CD96: variants seen among roughly 807,000 people sequenced by gnomAD.
CD96 encodes the protein T-cell surface protein tactile.
A neutral mutation model predicts 71.3 loss-of-function variants in CD96; 70 were observed. The ratio of observed to expected loss-of-function variants is 0.98; its 90% CI spans 0.81 to 1.20. The LOEUF is 1.20. Among genes scored for constraint, CD96 ranks in the 50% most tolerant of loss-of-function variants. The pLI, the probability that CD96 is intolerant of heterozygous loss-of-function variation, is 0.00. For missense variants in CD96, 742 were observed against 677.5 expected (o/e 1.10, Z -1.06); for synonymous variants, 248 against 233.0 (o/e 1.06, Z -0.59).
intron 12 of CD96, among the ~76,000 whole-genome samples, chr3:111,640,050 G>T (rs149851911): frequency 1.4e-4 from 21 of 152,168 alleles, no homozygotes; most frequent in African/African-American, 4.8e-4. Context: ...AACCAACCCT[G>T]GTAATATGAC....
At chr3:111,599,003 C>G (rs1937377077) in intron 6 of CD96, among the ~76,000 whole-genome samples, 1 of 152,006 alleles carries the variant, frequency 6.6e-6, no homozygotes, top group Non-Finnish European at 1.5e-5. Context: ...GAGTCTGGCT[C>G]TGTTGCCCAA....
rs377540885 is a variant in CD96 at position 111,573,383 on chromosome 3, T to A, written c.544-5644T>A. ...TTCCTACCATGACATACACCTTTAATAAAAATGTTAAAAACGGCAGCATGG... is the reference window on the plus strand; with the variant it reads ...TTCCTACCATGACATACACCTTTAAAAAAAATGTTAAAAACGGCAGCATGG... On this transcript the variant is annotated intron_variant, in intron 3 of 13. Coordinates refer to ENST00000352690, the MANE Select transcript of CD96 (RefSeq NM_005816.5). 5.3e-5 allele frequency among the ~76,000 whole-genome samples: 8 copies of A among 152,242 alleles called. No individual in the cohort carries two copies. The South Asian group carries it at 1.7e-3, about 32-fold the overall frequency.
intron 4 of CD96, among the ~76,000 whole-genome samples, chr3:111,583,739 G>GA (rs1936576393): frequency 6.6e-6 from 1 of 152,200 alleles, no homozygotes; most frequent in African/African-American, 2.4e-5. Flanking sequence ...GCCATAGCTG[G>GA]AATGGCTGGG....
At chr3:111,543,447 C>T (rs935322189) in intron 1 of CD96, among the ~76,000 whole-genome samples, 5 of 152,120 alleles carry the variant, frequency 3.3e-5, no homozygotes, top group Admixed American at 6.5e-5. Context: ...AGTGGAACCT[C>T]TACCTAAGGT....
chr3:111,576,667 T>C (rs1243469479), intron 3 of CD96, among the ~76,000 whole-genome samples: 1 of 152,348 alleles, frequency 6.6e-6, no homozygotes, highest in East Asian at 1.9e-4. Flanking sequence ...CAATTTATTC[T>C]ACATAGTTGT....
intron 8 of CD96, 160 bp downstream of exon 8, chr3:111,606,952 C>A: frequency 1.5e-6 from 1 of 683,328 alleles, no homozygotes. Flanking sequence ...ATATAATTCA[C>A]GTCACATTAA....
In CD96 at chr3:111,635,198, C is replaced by T. The variant is rs534661156; in HGVS notation, c.1322-1998C>T. 4 of 153,006 alleles carry T rather than the reference C, an allele frequency of 2.6e-5. No individual in the cohort carries two copies. In the South Asian group the frequency reaches 8.3e-4, roughly 32 times the overall value. The allele number at this position is 153,006 out of a possible 1,614,324, so 9.5% of individuals were successfully genotyped here. On this transcript the variant is annotated intron_variant, in intron 10 of 13. Coordinates refer to ENST00000352690, the MANE Select transcript of CD96 (RefSeq NM_005816.5). ...AAAGGCTATTTTTTATAATATCTTT[C>T]TGGTCTTGAAAGTTTACCTTTATGT...
chr3:111,661,953 C>G (rs762659764), intron 14 of CD96, among the ~76,000 whole-genome samples: 2 of 152,238 alleles, frequency 1.3e-5, no homozygotes, highest in Non-Finnish European at 2.9e-5. Context: ...TTTGCCTTAC[C>G]CTAGTAGAGG....
Position 111,638,137 on chromosome 3 carries a change from ATC to A in CD96, c.1448_1449del (p.Ser483TyrfsTer4), listed in dbSNP as rs1185124618. 6.2e-7 allele frequency: 1 copy of A among 1,610,284 alleles called. No homozygotes were observed. Among genetic ancestry groups the A allele is most frequent in the Non-Finnish European group, 8.5e-7 (1 of 1,176,656 alleles). On this transcript the variant is annotated frameshift_variant, in exon 12 of 14. Transcript: ENST00000352690. LOFTEE classifies it high-confidence loss of function. ...CAGAAGTCCCCACAACTGCCAATGGATCTACGAAAACTAATCACGTCCATATC... is the reference window on the plus strand; with the variant it reads ...CAGAAGTCCCCACAACTGCCAATGGATACGAAAACTAATCACGTCCATATC... Reference protein sequence around the residue: ...FSEVPTTANGSTKTNHVHITG... With the variant: ...FSEVPTTANGXTKTNHVHITG...
intron 3 of CD96, chr3:111,570,530 G>T: frequency 9.3e-7 from 1 of 1,074,012 alleles, no homozygotes; most frequent in Non-Finnish European, 1.3e-6. Flanking sequence ...GGACGCATGT[G>T]TGTTAACTGA....
chr3:111,593,546 T>C, intron 5 of CD96: 1 of 1,513,144 alleles, frequency 6.6e-7, no homozygotes, highest in Non-Finnish European at 8.8e-7. Context: ...AAGCCCAATT[T>C]AAACAAAATG....
intron 3 of CD96, chr3:111,571,091 AC>A: frequency 1.2e-6 from 1 of 802,100 alleles, no homozygotes; most frequent in Non-Finnish European, 2.2e-6. Flanking sequence ...GGAGACTAAG[AC>A]CCGGGCATCC....
chr3:111,613,209 C>G (rs956004797), intron 8 of CD96, among the ~76,000 whole-genome samples: 2 of 152,144 alleles, frequency 1.3e-5, no homozygotes, highest in Non-Finnish European at 2.9e-5. Flanking sequence ...AGGGTAAAAG[C>G]TATCAGTTGA....
intron 10 of CD96, among the ~76,000 whole-genome samples, chr3:111,625,627 A>G (rs959297143): frequency 8.5e-5 from 13 of 152,218 alleles, no homozygotes; most frequent in Admixed American, 1.3e-4. Flanking sequence ...ATAACTCTAT[A>G]TAGTTTAAGA....
chr3:111,637,533 A>AT (rs918081673), intron 11 of CD96, among the ~76,000 whole-genome samples: 2 of 152,262 alleles, frequency 1.3e-5, no homozygotes, highest in African/African-American at 4.8e-5. Context: ...ATAAATTTCA[A>AT]TTTTTTTATT....
intron 5 of CD96, chr3:111,593,808 G>A: frequency 6.2e-7 from 1 of 1,614,188 alleles, no homozygotes; most frequent in South Asian, 1.1e-5. Flanking sequence ...ATGCCTGTGG[G>A]GAGCTGGGGC....
intron 3 of CD96, chr3:111,570,963 G>C (rs1281235179): frequency 6.5e-7 from 1 of 1,540,850 alleles, no homozygotes; most frequent in African/African-American, 1.4e-5. Flanking sequence ...GCTGTGCTCT[G>C]AGGCCACCAG....
intron 1 of CD96, among the ~76,000 whole-genome samples, chr3:111,544,096 G>A (rs1004653420): frequency 2.0e-5 from 3 of 152,116 alleles, no homozygotes; most frequent in Non-Finnish European, 2.9e-5. Context: ...CACAGACTCT[G>A]GGCAACTGAA....
intron 2 of CD96, among the ~76,000 whole-genome samples, chr3:111,556,175 T>G (rs1053040745): frequency 1.3e-5 from 2 of 152,300 alleles, no homozygotes; most frequent in Non-Finnish European, 2.9e-5. Flanking sequence ...CATATTTTGC[T>G]TTAATACTTT....
Sources: gnomAD v4.1 joint callset for allele counts (sites outside exome capture counted in the v4.1 genomes callset) on GRCh38, gnomAD v4.1.1 for gene constraint, MANE v1.5 for transcripts, NCBI Gene and HGNC (gene_info 2026-07-23, HGNC 2026-07-21) for gene names.